PCDHGB3: variants seen among roughly 807,000 people sequenced by gnomAD.
PCDHGB3 encodes the protein protocadherin gamma-B3.
A neutral mutation model predicts 59.2 loss-of-function variants in PCDHGB3; 40 were observed. The ratio of observed to expected loss-of-function variants is 0.68; its 90% CI spans 0.52 to 0.88. The LOEUF (loss-of-function observed/expected upper bound fraction) is 0.88, where lower values mean the gene tolerates loss of function less well. Among genes scored for constraint, PCDHGB3 ranks in the 40% least tolerant of loss-of-function variants. The pLI is 0.00. For synonymous variants in PCDHGB3, 581 were observed against 503.6 expected, an observed-to-expected ratio of 1.15 and a Z score of -2.06; for missense variants, 1,309 against 1,187.9, an observed-to-expected ratio of 1.10 and a Z score of -1.50.
rs760864223 is a variant in PCDHGB3, at chr5:141,370,619, T to C, written c.225T>C (p.Phe75=). Reference sequence around the variant, plus strand: ...GGGTTATTGCAGAGAAGAAATTCTTTACCGTGAGCCCCGAAAATGGGAACT... The same window carrying C: ...GGGTTATTGCAGAGAAGAAATTCTTCACCGTGAGCCCCGAAAATGGGAACT... ...NLRVIAEKKF[F]TVSPENGNLL... is the part of the protein sequence containing the mutation. The change falls in exon 1 of 4, where the codon TTT becomes TTC. Residue 75 remains phenylalanine (F), a synonymous_variant. Coordinates refer to ENST00000576222, the MANE Select transcript of PCDHGB3 (RefSeq NM_018924.5). 6.2e-7 allele frequency: 1 copy of C among 1,613,966 alleles called. No homozygotes were observed. The highest frequency in any genetic ancestry group is 8.5e-7 in the Non-Finnish European group (1 of 1,179,886).
intron 3 of PCDHGB3, among the ~76,000 whole-genome samples, chr5:141,509,347 C>A (rs755234053): frequency 2.6e-5 from 4 of 152,142 alleles, no homozygotes; most frequent in Non-Finnish European, 5.9e-5. Context: ...CCTGGGCTGG[C>A]CTGGGCATCC....
chr5:141,427,611 G>A (rs747386422), intron 1 of PCDHGB3: 22 of 691,570 alleles, frequency 3.2e-5, no homozygotes, highest in Non-Finnish European at 5.5e-5. Context: ...CATTGGTGAA[G>A]TCAACGACAA....
At chr5:141,407,622 A>G (rs2094961891) in intron 1 of PCDHGB3, among the ~76,000 whole-genome samples, 3 of 152,316 alleles carry the variant, frequency 2.0e-5, no homozygotes, top group South Asian at 2.1e-4. Context: ...TTGACATTCT[A>G]TATCTCGTAT....
At chr5:141,401,129 G>A (rs1327832164) in intron 1 of PCDHGB3, among the ~76,000 whole-genome samples, 3 of 152,168 alleles carry the variant, frequency 2.0e-5, no homozygotes, top group African/African-American at 7.2e-5. Context: ...GGATCACATG[G>A]TCAGGAGTTC....
chr5:141,439,333 G>A (rs964224344), intron 1 of PCDHGB3, among the ~76,000 whole-genome samples: 1 of 152,154 alleles, frequency 6.6e-6, no homozygotes, highest in Non-Finnish European at 1.5e-5. Flanking sequence ...TGGAAAGAAA[G>A]ATTCTAAGCC....
At chr5:141,417,440 T>C (rs889107076) in intron 1 of PCDHGB3, 1 of 166,232 alleles carries the variant, frequency 6.0e-6, no homozygotes, top group African/African-American at 2.4e-5. Flanking sequence ...TAAAAAGATA[T>C]GATAGTTATG....
intron 1 of PCDHGB3, chr5:141,426,776 C>G (rs1258505646): frequency 2.2e-6 from 1 of 456,584 alleles, no homozygotes; most frequent in Admixed American, 2.3e-5. Flanking sequence ...TAGGGCCTCA[C>G]TCTCTCCAGA....
intron 1 of PCDHGB3, chr5:141,420,437 T>G (rs2096496377): frequency 4.5e-6 from 5 of 1,109,618 alleles, no homozygotes; most frequent in Admixed American, 3.7e-5. Context: ...TTAAATTAAA[T>G]GCCTCAGTCT....
At chr5:141,492,070 G>T (rs1408035481) in intron 1 of PCDHGB3, 1 of 477,946 alleles carries the variant, frequency 2.1e-6, no homozygotes. Context: ...CCTCCTAGGC[G>T]CCGGCTCCGG....
Position 141,409,092 on chromosome 5 carries a change from A to C in PCDHGB3, c.2415+36283A>C, listed in dbSNP as rs150634031. On this transcript the variant is annotated intron_variant, in intron 1 of 3. Coordinates refer to ENST00000576222, the MANE Select transcript of PCDHGB3 (RefSeq NM_018924.5). ...AAACATATGTTCTCATTGGATGAGA[A>C]AACAGGTATGATTAAGAATAACCAG... 12 of 1,614,050 alleles carry C rather than the reference A, an allele frequency of 7.4e-6. No homozygotes were observed. The East Asian group carries it at 2.7e-4, about 36-fold the overall frequency.
chr5:141,415,315 G>T (rs201784236), intron 1 of PCDHGB3: 14 of 1,614,208 alleles, frequency 8.7e-6, no homozygotes, highest in African/African-American at 4.0e-5. Context: ...CTTCGTCATC[G>T]TGCTGCTGGC....
At chr5:141,385,023 C>T in intron 1 of PCDHGB3, 1 of 1,614,170 alleles carries the variant, frequency 6.2e-7, no homozygotes, top group East Asian at 2.2e-5. Flanking sequence ...TAGCCTTCGT[C>T]CTCGTACTGC....
rs1433790348 is a variant in PCDHGB3, at chr5:141,431,831, G to A, written c.2415+59022G>A. The A allele has an allele frequency of 1.2e-6, 2 of 1,614,110 alleles. No homozygotes were observed. The highest frequency in any genetic ancestry group is 1.7e-6 in the Non-Finnish European group (2 of 1,180,040). On this transcript the variant is annotated intron_variant, in intron 1 of 3. Transcript: ENST00000576222. The surrounding 1 kb of genome is among the most constrained non-coding windows in gnomAD (Gnocchi z 4.8). Reference sequence around the variant, plus strand: ...CACCTCTCTCGCCAGCTCGGTTCCCGAAAACTCTCCCAGAGGGACATTAAT... The same window carrying A: ...CACCTCTCTCGCCAGCTCGGTTCCCAAAAACTCTCCCAGAGGGACATTAAT...
chr5:141,372,098 G>A lies in PCDHGB3; in HGVS notation c.1704G>A (p.Gly568=). ...CGCTGGTGCTGTACCCAGCTCTGGG[G>A]CCCGAAGGCTCTGCGCTCTTCGATA... ...NAPLVLYPAL[G]PEGSALFDMV... Residue 568 remains glycine (G), a synonymous_variant, in exon 1 of 4, where the codon GGG becomes GGA. Transcript: ENST00000576222. The A allele has an allele frequency of 2.5e-6, 4 of 1,613,794 alleles. No individual in the cohort carries two copies. In the South Asian group the frequency reaches 4.4e-5, roughly 18 times the overall value.
Position 141,486,487 on chromosome 5 carries a change from C to G in PCDHGB3, c.2416-8320C>G. The G allele has an allele frequency of 6.2e-7, 1 of 1,614,086 alleles. No homozygotes were observed. The highest frequency in any genetic ancestry group is 1.1e-5 in the South Asian group (1 of 91,074). ...CTGGGAACCCTCCTCTCAGTACCCA[C>G]AGAACTATTTTCCTCAATATTTCAG... On this transcript the variant is annotated intron_variant, in intron 1 of 3. Coordinates refer to ENST00000576222, the MANE Select transcript of PCDHGB3 (RefSeq NM_018924.5). This position sits in a 1 kb window ranked among gnomAD's most constrained non-coding sequence, Gnocchi z 5.0.
chr5:141,431,194 T>C lies in PCDHGB3; in HGVS notation c.2415+58385T>C. On this transcript the variant is annotated intron_variant, in intron 1 of 3. Coordinates refer to ENST00000576222, the MANE Select transcript of PCDHGB3 (RefSeq NM_018924.5). The surrounding 1 kb of genome is among the most constrained non-coding windows in gnomAD (Gnocchi z 4.8). ...AATTAGAAATAAAAATTAGTGAAAA[T>C]GCAGCCACTGAGATGCGGTTCCCTC... The C allele has an allele frequency of 6.2e-7, 1 of 1,614,124 alleles. No homozygotes were observed.
At chr5:141,399,862 G>T in intron 1 of PCDHGB3, 1 of 1,612,900 alleles carries the variant, frequency 6.2e-7, no homozygotes, top group South Asian at 1.1e-5. Flanking sequence ...GCGCGCTGCA[G>T]AGCCCGGCTA....
intron 1 of PCDHGB3, among the ~76,000 whole-genome samples, chr5:141,462,027 TG>T (rs1239347302): frequency 6.6e-6 from 1 of 152,220 alleles, no homozygotes; most frequent in African/African-American, 2.4e-5. Flanking sequence ...TTCTTCATGT[TG>T]GTCAGGCGGG....
intron 1 of PCDHGB3, among the ~76,000 whole-genome samples, chr5:141,450,894 G>C (rs919860611): frequency 6.7e-6 from 1 of 148,956 alleles, no homozygotes; most frequent in Admixed American, 6.7e-5. Context: ...GTGCGATATC[G>C]GCTCACTGCA....
Sources: allele counts gnomAD v4.1 joint callset (sites outside exome capture counted in the v4.1 genomes callset), GRCh38; gene constraint gnomAD v4.1.1; non-coding constraint Gnocchi (gnomAD v3.1); transcripts MANE v1.5; gene names NCBI Gene and HGNC (gene_info 2026-07-23, HGNC 2026-07-21).